SLC7A8: variants seen among roughly 807,000 people sequenced by gnomAD.
SLC7A8 encodes solute carrier family 7 member 8.
In SLC7A8, 30 loss-of-function variants were observed where a neutral mutation model predicts 51.2. The ratio of observed to expected loss-of-function variants is 0.59; its 90% CI spans 0.44 to 0.80. The LOEUF is 0.80. Ranked by LOEUF, SLC7A8 falls within the 30% of genes least tolerant of loss-of-function variation. SLC7A8 has a pLI of 0.00. For missense variants in SLC7A8, 612 were observed against 674.4 expected, an observed-to-expected ratio of 0.91 and a Z score of 1.03; for synonymous variants, 257 against 275.8, an observed-to-expected ratio of 0.93 and a Z score of 0.67.
chr14:23,137,724 G>T (rs1000793636), intron 7 of SLC7A8, among the ~76,000 whole-genome samples, 197 bp downstream of exon 7: 1 of 152,064 alleles, frequency 6.6e-6, no homozygotes, highest in African/African-American at 2.4e-5. Context: ...CACATCGCAG[G>T]TGACCACGTG....
chr14:23,144,235 A>C (rs1032521243), intron 3 of SLC7A8, among the ~76,000 whole-genome samples: 1 of 152,162 alleles, frequency 6.6e-6, no homozygotes, highest in Non-Finnish European at 1.5e-5. Flanking sequence ...AGAAACTGCC[A>C]AACTGTCTTC....
intron 3 of SLC7A8, among the ~76,000 whole-genome samples, chr14:23,146,232 G>T (rs574695508): frequency 3.3e-5 from 5 of 152,340 alleles, no homozygotes; most frequent in East Asian, 1.9e-4. Flanking sequence ...AAGCCTCAGG[G>T]ATAGGTAAGG....
chr14:23,170,367 C>G (rs2048969797), intron 1 of SLC7A8, among the ~76,000 whole-genome samples: 1 of 152,176 alleles, frequency 6.6e-6, no homozygotes, highest in African/African-American at 2.4e-5. Context: ...CCTGGAGTGG[C>G]TTTGAAAAAG....
chr14:23,165,853 C>G lies in SLC7A8; in HGVS notation c.357-417G>C, dbSNP rs533948425. ...GAAGCGCCTTCCACACCTTTTGGCC[C>G]ATTGGTGAGGGTTTACCAATGGCAG... is the stretch of plus-strand genomic sequence containing the variant. On this transcript the variant is annotated intron_variant, in intron 2 of 10. Coordinates refer to ENST00000316902, the MANE Select transcript of SLC7A8 (RefSeq NM_012244.4). The surrounding 1 kb of genome is among the most constrained non-coding windows in gnomAD (Gnocchi z 4.2). 6.6e-6 allele frequency among the ~76,000 whole-genome samples: 1 copy of G among 152,172 alleles called. No homozygotes were observed. The highest frequency in any genetic ancestry group is 2.4e-5 in the African/African-American group (1 of 41,494).
chr14:23,161,180 T>C (rs2048919862), intron 3 of SLC7A8, among the ~76,000 whole-genome samples: 1 of 151,936 alleles, frequency 6.6e-6, no homozygotes, highest in South Asian at 2.1e-4. Context: ...TTTCCACCTC[T>C]CCACCCCCAC....
chr14:23,147,215 ATCTATCCATCCATCCATCTG>A (rs2048804592), intron 3 of SLC7A8, among the ~76,000 whole-genome samples: 1 of 151,686 alleles, frequency 6.6e-6, no homozygotes, highest in Non-Finnish European at 1.5e-5. Flanking sequence ...ACCATCCATC[ATCTATCCATCCATCCATCTG>A]TCTATCCATC....
intron 3 of SLC7A8, among the ~76,000 whole-genome samples, chr14:23,154,030 G>A (rs1301595270): frequency 6.6e-6 from 1 of 152,194 alleles, no homozygotes; most frequent in African/African-American, 2.4e-5. Flanking sequence ...GGGCTTGAGA[G>A]GAGCAGAACA....
chr14:23,154,494 C>A, intron 3 of SLC7A8: 1 of 984,440 alleles, frequency 1.0e-6, no homozygotes, highest in Non-Finnish European at 1.2e-6. Context: ...TGGCCGCCTC[C>A]CCCGCTTGTG....
intron 8 of SLC7A8, 77 bp from the exon 9 acceptor site, chr14:23,129,876 C>G: frequency 1.3e-6 from 2 of 1,532,254 alleles, no homozygotes; most frequent in Non-Finnish European, 1.8e-6. Context: ...GGCTGTCCCC[C>G]AGCCTCCAGG....
At chr14:23,168,154 G>A (rs1468392332) in intron 1 of SLC7A8, among the ~76,000 whole-genome samples, 1 of 152,162 alleles carries the variant, frequency 6.6e-6, no homozygotes, top group African/African-American at 2.4e-5. Flanking sequence ...GATAGAAAAA[G>A]GAGATTCTGA....
At chr14:23,135,004 C>A (rs1196294684) in intron 7 of SLC7A8, among the ~76,000 whole-genome samples, 1 of 152,224 alleles carries the variant, frequency 6.6e-6, no homozygotes. Flanking sequence ...TGGGCTCAAG[C>A]AATCCTTCCA....
At chr14:23,135,262 ATT>A (rs998924873) in intron 7 of SLC7A8, among the ~76,000 whole-genome samples, 1 of 150,564 alleles carries the variant, frequency 6.6e-6, no homozygotes, top group African/African-American at 2.4e-5. Flanking sequence ...TAATTTTTGT[ATT>A]TTTTTTAGTA....
At chr14:23,156,061 C>T (rs557466367) in intron 3 of SLC7A8, among the ~76,000 whole-genome samples, 44 of 151,550 alleles carry the variant, frequency 2.9e-4, no homozygotes, top group Non-Finnish European at 5.0e-4. Context: ...TGCAATGGCA[C>T]GATCTCGGCT....
chr14:23,142,977 G>A (rs1028984419), intron 4 of SLC7A8, 102 bp downstream of exon 4: 61 of 1,438,820 alleles, frequency 4.2e-5, no homozygotes, highest in Non-Finnish European at 5.2e-5. Context: ...CTAGAATTGG[G>A]GAAATCTCAG....
At chr14:23,151,322 C>T (rs750483416) in intron 3 of SLC7A8, among the ~76,000 whole-genome samples, 10 of 152,296 alleles carry the variant, frequency 6.6e-5, no homozygotes, top group South Asian at 2.1e-4. Context: ...TAGAAGCCAC[C>T]GTGCTGCTCT....
intron 4 of SLC7A8, among the ~76,000 whole-genome samples, chr14:23,141,689 A>G (rs969832149): frequency 6.6e-6 from 1 of 152,158 alleles, no homozygotes; most frequent in Non-Finnish European, 1.5e-5. Context: ...CCTGACCTCA[A>G]GTGATCTGCC....
At chr14:23,179,358 A>G (rs1242177596) in intron 1 of SLC7A8, among the ~76,000 whole-genome samples, 1 of 152,186 alleles carries the variant, frequency 6.6e-6, no homozygotes, top group Non-Finnish European at 1.5e-5. Flanking sequence ...TATTTCCATA[A>G]CACCTACCAT....
At chr14:23,146,540 T>G (rs543303831) in intron 3 of SLC7A8, among the ~76,000 whole-genome samples, 1 of 152,336 alleles carries the variant, frequency 6.6e-6, no homozygotes, top group Admixed American at 6.5e-5. Flanking sequence ...AAATAACCTA[T>G]CTGTGGCTAT....
chr14:23,181,853 C>A (rs761830124), intron 1 of SLC7A8, among the ~76,000 whole-genome samples: 1 of 152,224 alleles, frequency 6.6e-6, no homozygotes, highest in South Asian at 2.1e-4. Flanking sequence ...CAAGGCTTCT[C>A]TGGAAAGAGG....
Sources: gnomAD v4.1 joint callset for allele counts (sites outside exome capture counted in the v4.1 genomes callset) on GRCh38, gnomAD v4.1.1 for gene constraint, Gnocchi (gnomAD v3.1) non-coding constraint, MANE v1.5 for transcripts, NCBI Gene and HGNC (gene_info 2026-07-23, HGNC 2026-07-21) for gene names.